MAP2: variants seen among roughly 807,000 people sequenced by gnomAD.
MAP2 encodes microtubule associated protein 2, also known as microtubule-associated protein 2.
MAP2 carries 14 observed loss-of-function variants against 137.6 expected under a neutral mutation model. The ratio of observed to expected loss-of-function variants is 0.10; its 90% CI spans 0.07 to 0.16. MAP2 has a LOEUF of 0.16. Among genes scored for constraint, MAP2 ranks in the 10% least tolerant of loss-of-function variants. The pLI is 1.00. For synonymous variants in MAP2, 786 were observed against 782.3 expected (o/e 1.00, Z -0.08); for missense variants, 2,088 against 2,191.5 (o/e 0.95, Z 0.94).
chr2:209,630,388 A>G (rs1251618345), intron 4 of MAP2, among the ~76,000 whole-genome samples: 3 of 152,170 alleles, frequency 2.0e-5, no homozygotes, highest in African/African-American at 7.2e-5. Context: ...CCATTACACA[A>G]GCACAACTCT....
rs79987181 is a variant in MAP2 at position 209,458,869 on chromosome 2, A to G, written c.-222+34593A>G. ...TGTGTAAGTGCTCTAAGCTCTCTAT[A>G]CCTTAGTCTTTTCATATGTCAAGCA... On this transcript the variant is annotated intron_variant, in intron 1 of 15. Transcript: ENST00000682079. Among the ~76,000 whole-genome samples the G allele has an allele frequency of 6.6e-5, 10 of 152,156 alleles. No individual in the cohort carries two copies. The East Asian group carries it at 1.9e-3, about 29-fold the overall frequency.
chr2:209,437,066 G>T (rs1416939457), intron 1 of MAP2, among the ~76,000 whole-genome samples: 1 of 151,652 alleles, frequency 6.6e-6, no homozygotes, highest in South Asian at 2.1e-4. Context: ...AATTAGGACA[G>T]ATTGCATTGT....
At chr2:209,707,507 AC>A (rs1206079185) in intron 12 of MAP2, among the ~76,000 whole-genome samples, 1 of 152,120 alleles carries the variant, frequency 6.6e-6, no homozygotes, top group African/African-American at 2.4e-5. Flanking sequence ...TTTGAAGGAA[AC>A]AATGTTGTGC....
At chr2:209,445,218 A>G (rs1287329073) in intron 1 of MAP2, among the ~76,000 whole-genome samples, 6 of 151,594 alleles carry the variant, frequency 4.0e-5, no homozygotes, top group Non-Finnish European at 8.9e-5. Flanking sequence ...AAATACTTCT[A>G]ATGGGCAATA....
At chr2:209,641,617 T>TA (rs1323591299) in intron 4 of MAP2, among the ~76,000 whole-genome samples, 3 of 151,384 alleles carry the variant, frequency 2.0e-5, no homozygotes, top group Non-Finnish European at 4.4e-5. Flanking sequence ...GAAAATCTGT[T>TA]ACTTATTCCA....
chr2:209,706,428 A>C (rs912152188), intron 12 of MAP2, among the ~76,000 whole-genome samples: 1 of 152,056 alleles, frequency 6.6e-6, no homozygotes, highest in South Asian at 2.1e-4. Context: ...CTTAAGATAC[A>C]TTTTTTCACT....
At chr2:209,434,917 A>G (rs945130092) in intron 1 of MAP2, among the ~76,000 whole-genome samples, 2 of 133,720 alleles carry the variant, frequency 1.5e-5, no homozygotes, top group Non-Finnish European at 3.2e-5. Context: ...TGTTATATAT[A>G]TGTTATATAT....
chr2:209,525,777 C>T (rs1222980574), intron 2 of MAP2, among the ~76,000 whole-genome samples: 1 of 152,070 alleles, frequency 6.6e-6, no homozygotes, highest in Non-Finnish European at 1.5e-5. Context: ...TTGTATAGTT[C>T]AAGATTATAT....
intron 2 of MAP2, among the ~76,000 whole-genome samples, chr2:209,522,880 C>A (rs1355729581): frequency 6.6e-6 from 1 of 152,044 alleles, no homozygotes; most frequent in Admixed American, 6.6e-5. Context: ...TCATTGAAGC[C>A]CACAATTATT....
At chr2:209,707,399 C>T (rs2063772552) in intron 12 of MAP2, among the ~76,000 whole-genome samples, 2 of 152,164 alleles carry the variant, frequency 1.3e-5, no homozygotes, top group South Asian at 2.1e-4. Flanking sequence ...GGCATAAAGA[C>T]GATTGGAAAA....
intron 3 of MAP2, among the ~76,000 whole-genome samples, chr2:209,603,667 G>A (rs745495442): frequency 1.3e-5 from 2 of 151,952 alleles, no homozygotes; most frequent in Non-Finnish European, 2.9e-5. Flanking sequence ...TTTTATACCC[G>A]CCTTTCTTGA....
At position 209,559,479 on chromosome 2, in the gene MAP2, CAAAAAAAAAAAAA is replaced by C. The variant is rs59788211; in HGVS notation, c.-171-20544_-171-20532del. Among the ~76,000 whole-genome samples, 3 of 37,542 alleles carry C rather than the reference CAAAAAAAAAAAAA, an allele frequency of 8.0e-5. No homozygotes were observed. The South Asian group carries it at 4.3e-3, about 54-fold the overall frequency. 24.6% of individuals were successfully genotyped at this position (37,542 alleles called of 152,430 possible). A position where few individuals can be genotyped will look rare whatever the true frequency, so the allele number is the denominator to read the frequency against. ...TGAAACTCCATCTCTGCCAAAAATA[CAAAAAAAAAAAAA>C]AAAAAAAAAAAAGCCGGGTGTGGTG... On this transcript the variant is annotated intron_variant, in intron 2 of 15. Coordinates refer to ENST00000682079, the MANE Select transcript of MAP2 (RefSeq NM_001375505.1).
intron 2 of MAP2, among the ~76,000 whole-genome samples, chr2:209,546,648 ACTTT>A (rs2068132480): frequency 6.6e-6 from 1 of 152,218 alleles, no homozygotes; most frequent in African/African-American, 2.4e-5. Context: ...AGATCCTGGG[ACTTT>A]TAAAGGCTCA....
chr2:209,467,170 A>C (rs1004574205), intron 1 of MAP2, among the ~76,000 whole-genome samples: 2 of 152,204 alleles, frequency 1.3e-5, no homozygotes, highest in African/African-American at 4.8e-5. Flanking sequence ...TACCTTTGCT[A>C]TGTCTTTTTT....
chr2:209,666,329 A>G (rs2046290141), intron 5 of MAP2, among the ~76,000 whole-genome samples: 1 of 152,152 alleles, frequency 6.6e-6, no homozygotes, highest in South Asian at 2.1e-4. Context: ...TTGCTATAAG[A>G]AAAGAAGCAA....
chr2:209,607,792 C>A (rs758171025), intron 3 of MAP2, among the ~76,000 whole-genome samples: 2 of 152,226 alleles, frequency 1.3e-5, no homozygotes, highest in Non-Finnish European at 2.9e-5. Context: ...GCTGGATCCT[C>A]ACCAGTGAGG....
At chr2:209,443,352 G>A (rs1004648097) in intron 1 of MAP2, among the ~76,000 whole-genome samples, 2 of 151,414 alleles carry the variant, frequency 1.3e-5, no homozygotes, top group Non-Finnish European at 3.0e-5. Context: ...CCAGTTTCTA[G>A]CAGAGTGCCT....
chr2:209,453,850 A>G (rs1700850436), intron 1 of MAP2, among the ~76,000 whole-genome samples: 1 of 152,074 alleles, frequency 6.6e-6, no homozygotes, highest in Non-Finnish European at 1.5e-5. Context: ...TTTCTACTGG[A>G]CTAAAAAAAA....
intron 4 of MAP2, among the ~76,000 whole-genome samples, chr2:209,626,327 A>G (rs1438330598): frequency 6.6e-6 from 1 of 152,162 alleles, no homozygotes; most frequent in Non-Finnish European, 1.5e-5. Context: ...AGGCAGGAGT[A>G]TCTCTTGAAC....
Sources: gnomAD v4.1 joint callset for allele counts (sites outside exome capture counted in the v4.1 genomes callset) on GRCh38, gnomAD v4.1.1 for gene constraint, MANE v1.5 for transcripts, NCBI Gene and HGNC (gene_info 2026-07-23, HGNC 2026-07-21) for gene names.